Variants in UBE2U observed in about 807,000 individuals in gnomAD.
The protein encoded by UBE2U is ubiquitin conjugating enzyme E2 U, also known as ubiquitin-conjugating enzyme E2 U.
Under a neutral mutation model 41.2 loss-of-function variants are expected in UBE2U, and 39 were observed. The ratio of observed to expected loss-of-function variants is 0.95; its 90% confidence interval spans 0.73 to 1.24. The LOEUF is 1.24. Ranked by LOEUF, UBE2U falls within the 50% of genes most tolerant of loss-of-function variation. The pLI, the probability that UBE2U is intolerant of heterozygous loss-of-function variation, is 0.00. For synonymous variants in UBE2U, 107 were observed against 117.8 expected, an observed-to-expected ratio of 0.91 and a Z score of 0.60; for missense variants, 336 against 363.1, an observed-to-expected ratio of 0.93 and a Z score of 0.61.
At chr1:64,260,074 A>G (rs1024055613) in intron 8 of UBE2U, among the ~76,000 whole-genome samples, 9 of 152,052 alleles carry the variant, frequency 5.9e-5, no homozygotes, top group African/African-American at 2.2e-4. Flanking sequence ...CATTGGAAGC[A>G]GAGACTGGAG....
chr1:64,205,772 T>G, intron 2 of UBE2U, 52 bp downstream of exon 2: 1 of 1,436,812 alleles, frequency 7.0e-7, no homozygotes, highest in Middle Eastern at 1.8e-4. Flanking sequence ...TATACCATTA[T>G]TAGCCCATCC....
chr1:64,236,747 T>C (rs948835281), intron 7 of UBE2U, among the ~76,000 whole-genome samples: 8 of 152,222 alleles, frequency 5.3e-5, no homozygotes, highest in African/African-American at 1.9e-4. Flanking sequence ...GAGACTTTTA[T>C]TCTTTGAGTC....
chr1:64,246,381 G>A (rs1439737285), intron 8 of UBE2U, among the ~76,000 whole-genome samples: 1 of 152,134 alleles, frequency 6.6e-6, no homozygotes, highest in African/African-American at 2.4e-5. Flanking sequence ...TTCATGCTGA[G>A]TAGATTCTTT....
At chr1:64,239,125 A>AGATG (rs1557730178) in intron 7 of UBE2U, among the ~76,000 whole-genome samples, 1 of 24,356 alleles carries the variant, frequency 4.1e-5, no homozygotes, top group South Asian at 2.6e-3. Context: ...AAGAAGAAGA[A>AGATG]GAAGAAGAAG....
At chr1:64,206,396 A>G (rs1210939529) in intron 2 of UBE2U, among the ~76,000 whole-genome samples, 2 of 151,958 alleles carry the variant, frequency 1.3e-5, no homozygotes, top group Non-Finnish European at 2.9e-5. Flanking sequence ...TGCCAGGTTC[A>G]GAAGAAGGAT....
intron 8 of UBE2U, among the ~76,000 whole-genome samples, chr1:64,244,864 T>C (rs1247938959): frequency 6.6e-6 from 1 of 152,168 alleles, no homozygotes; most frequent in Non-Finnish European, 1.5e-5. Context: ...ACTCAATTAA[T>C]GTTAGTTGAA....
At chr1:64,248,185 T>C (rs902597470) in intron 8 of UBE2U, among the ~76,000 whole-genome samples, 2 of 152,078 alleles carry the variant, frequency 1.3e-5, no homozygotes, top group African/African-American at 4.8e-5. Flanking sequence ...GGGTTCGCTC[T>C]CCCTCTACGG....
chr1:64,261,259 T>A (rs888999925), intron 9 of UBE2U, among the ~76,000 whole-genome samples: 3 of 152,132 alleles, frequency 2.0e-5, no homozygotes, highest in African/African-American at 7.2e-5. Context: ...TGTGCTACTA[T>A]GGAAAGGTCA....
chr1:64,217,919 C>T (rs1025597535), intron 5 of UBE2U, among the ~76,000 whole-genome samples: 12 of 152,232 alleles, frequency 7.9e-5, no homozygotes, highest in African/African-American at 2.9e-4. Flanking sequence ...TTTGATTCTT[C>T]TCCAATTCAA....
intron 8 of UBE2U, among the ~76,000 whole-genome samples, chr1:64,258,153 T>A (rs2100536929): frequency 6.6e-6 from 1 of 152,330 alleles, no homozygotes; most frequent in East Asian, 1.9e-4. Flanking sequence ...TTTATATTTA[T>A]TCATTTTTGT....
intron 8 of UBE2U, among the ~76,000 whole-genome samples, chr1:64,249,945 A>G (rs1557741927): frequency 6.6e-6 from 1 of 152,116 alleles, no homozygotes; most frequent in Admixed American, 6.5e-5. Context: ...AATATAAAGA[A>G]GCCATACCAA....
intron 4 of UBE2U, among the ~76,000 whole-genome samples, chr1:64,214,272 C>T (rs1489536819): frequency 6.6e-6 from 1 of 152,196 alleles, no homozygotes; most frequent in Non-Finnish European, 1.5e-5. Flanking sequence ...AATGTTACCA[C>T]TGTGACTAGG....
chr1:64,229,477 C>T (rs548055467), intron 6 of UBE2U, among the ~76,000 whole-genome samples: 2 of 152,218 alleles, frequency 1.3e-5, no homozygotes, highest in South Asian at 4.2e-4. Context: ...AGTTTTATCT[C>T]CTGATTTTAT....
At chr1:64,237,262 T>C (rs947381274) in intron 7 of UBE2U, among the ~76,000 whole-genome samples, 42 of 138,258 alleles carry the variant, frequency 3.0e-4, no homozygotes, top group Non-Finnish European at 5.4e-4. Flanking sequence ...AAAAAAAAAT[T>C]CAGGGCAACC....
At chr1:64,223,157 GTGTGAGGATACACACCTGATTAATA>G (rs1256189077) in intron 6 of UBE2U, among the ~76,000 whole-genome samples, 1 of 152,214 alleles carries the variant, frequency 6.6e-6, no homozygotes, top group Non-Finnish European at 1.5e-5. Context: ...TTGTGCCCCA[GTGTGAGGATACACACCTGATTAATA>G]TGTCATCCCT....
intron 9 of UBE2U, among the ~76,000 whole-genome samples, chr1:64,262,574 G>A (rs12735650): frequency 0.17 from 25,850 of 152,174 alleles, 2,891 homozygotes; most frequent in Non-Finnish European, 0.24. Context: ...TCCCTCAGCT[G>A]CTGAGGGCTG....
intron 8 of UBE2U, among the ~76,000 whole-genome samples, chr1:64,247,335 T>G (rs1408633412): frequency 1.3e-5 from 2 of 152,124 alleles, no homozygotes; most frequent in Non-Finnish European, 2.9e-5. Context: ...TCCCTTCCTC[T>G]CTCCTGAAAA....
chr1:64,205,623 T>C lies in UBE2U; in HGVS notation c.67-16T>C, dbSNP rs755539734. 53 of 1,596,706 alleles carry C rather than the reference T, an allele frequency of 3.3e-5. No individual in the cohort carries two copies. Among genetic ancestry groups the C allele is most frequent in the Non-Finnish European group, 4.4e-5 (51 of 1,172,384 alleles). On this transcript the variant is annotated splice_polypyrimidine_tract_variant and intron_variant, in intron 1 of 9. Coordinates refer to ENST00000371077, the MANE Select transcript of UBE2U (RefSeq NM_001366232.2). Reference sequence around the variant, plus strand: ...TAATAAGTTTTTTCTGATTTAATTTTGTTTTTAACTTCAAGGGTATCACTG... The same window carrying C: ...TAATAAGTTTTTTCTGATTTAATTTCGTTTTTAACTTCAAGGGTATCACTG...
intron 5 of UBE2U, among the ~76,000 whole-genome samples, chr1:64,216,744 C>T (rs989482022): frequency 3.9e-5 from 6 of 152,230 alleles, no homozygotes; most frequent in Non-Finnish European, 8.8e-5. Flanking sequence ...TTTTCCCCAA[C>T]ATTTGTTATG....
Sources: allele counts gnomAD v4.1 joint callset (sites outside exome capture counted in the v4.1 genomes callset), GRCh38; gene constraint gnomAD v4.1.1; transcripts MANE v1.5; gene names NCBI Gene and HGNC (gene_info 2026-07-23, HGNC 2026-07-21).